The following TARBP1 variants were observed in gnomAD, a reference collection of about 807,000 sequenced individuals.
TARBP1 encodes the protein tRNA (guanosine(18)-2'-O)-methyltransferase TARBP1.
A neutral mutation model predicts 178.6 loss-of-function variants in TARBP1; 144 were observed. The observed-to-expected ratio is 0.81, with a 90% CI of 0.70 to 0.93. The LOEUF is 0.93. Ranked by LOEUF, TARBP1 falls within the 40% of genes least tolerant of loss-of-function variation. The pLI is 0.00. For missense variants in TARBP1, 2,067 were observed against 2,011.7 expected (o/e 1.03, Z -0.53); for synonymous variants, 787 against 781.0 (o/e 1.01, Z -0.13).
intron 9 of TARBP1, among the ~76,000 whole-genome samples, chr1:234,453,195 TA>T (rs1666957455): frequency 6.6e-6 from 1 of 152,132 alleles, no homozygotes; most frequent in Non-Finnish European, 1.5e-5. Context: ...TTCATAATAG[TA>T]ATCAATATGG....
intron 23 of TARBP1, among the ~76,000 whole-genome samples, chr1:234,408,571 G>A (rs370158677): frequency 6.6e-6 from 1 of 152,016 alleles, no homozygotes; most frequent in Non-Finnish European, 1.5e-5. Flanking sequence ...GTCGGTGCTC[G>A]AGATATTTTG....
intron 24 of TARBP1, chr1:234,405,220 A>C (rs1661092266): frequency 6.6e-6 from 1 of 152,224 alleles, no homozygotes; most frequent in Non-Finnish European, 1.5e-5. Flanking sequence ...ATTTAAAAAA[A>C]AAATCCAGAA....
chr1:234,467,134 G>C (rs1187157194), intron 4 of TARBP1, among the ~76,000 whole-genome samples: 2 of 152,192 alleles, frequency 1.3e-5, no homozygotes, highest in Non-Finnish European at 2.9e-5. Context: ...AATTGAGGCA[G>C]TAGCATCACT....
chr1:234,450,402 A>C, intron 10 of TARBP1, 26 bp downstream of exon 10: 1 of 1,543,436 alleles, frequency 6.5e-7, no homozygotes, highest in East Asian at 2.4e-5. Flanking sequence ...GGTTATATCA[A>C]TCCATAAAAA....
intron 21 of TARBP1, among the ~76,000 whole-genome samples, chr1:234,420,098 C>G (rs191289968): frequency 6.6e-6 from 1 of 152,170 alleles, no homozygotes. Flanking sequence ...ATTTTCTCAA[C>G]AGGAATATTA....
In TARBP1 at chr1:234,469,578, A is replaced by G. The variant is rs114886253; in HGVS notation, c.1099+1610T>C. ...ACAGCAATCAGCTGAATAAAGCTCA[A>G]TTCCTAAGGGGTCAAACTATTAAAC... On this transcript the variant is annotated intron_variant, in intron 3 of 29. Transcript: ENST00000040877. Among the ~76,000 whole-genome samples the G allele has an allele frequency of 8.8e-3, 1,346 of 152,342 alleles. 17 individuals carry two copies. The highest frequency in any genetic ancestry group is 0.031 in the African/African-American group (1,274 of 41,570).
chr1:234,456,068 C>T (rs557685785), intron 9 of TARBP1, among the ~76,000 whole-genome samples: 56 of 152,258 alleles, frequency 3.7e-4, no homozygotes, highest in African/African-American at 1.3e-3. Flanking sequence ...AAGTGGATGT[C>T]CACTGTCATA....
intron 1 of TARBP1, among the ~76,000 whole-genome samples, chr1:234,476,283 T>TA (rs778957907): frequency 1.3e-5 from 2 of 152,084 alleles, no homozygotes; most frequent in African/African-American, 2.4e-5. Context: ...AACAAGACCT[T>TA]AAAAAAATCC....
At chr1:234,478,031 C>T (rs896707435) in intron 1 of TARBP1, 142 bp downstream of exon 1, 4 of 792,680 alleles carry the variant, frequency 5.0e-6, no homozygotes, top group African/African-American at 1.8e-5. Context: ...GGTTTTCAGG[C>T]TTTAGGGGAG....
chr1:234,395,551 A>G (rs1183211628), intron 26 of TARBP1, among the ~76,000 whole-genome samples: 3 of 152,378 alleles, frequency 2.0e-5, no homozygotes, highest in Middle Eastern at 6.8e-3. Context: ...TAGGGCATAC[A>G]GAGCAGGCAC....
chr1:234,478,342 C>T lies in TARBP1; in HGVS notation c.762G>A (p.Glu254=). 2.3e-6 allele frequency: 3 copies of T among 1,281,770 alleles called. No homozygotes were observed. Among genetic ancestry groups the T allele is most frequent in the East Asian group, 6.5e-5 (2 of 30,738 alleles). 79.4% of individuals were successfully genotyped at this position (1,281,770 alleles called of 1,614,324 possible). The change falls in exon 1 of 30, where the codon GAG becomes GAA. Residue 254 remains glutamate (E), a synonymous_variant. Transcript: ENST00000040877. The part of the protein sequence containing the change: ...PGGDRARGAR[E]AGPDARRCWR... ...AGCAGCGCCGGGCGTCCGGGCCCGC[C>T]TCGCGCGCGCCGCGGGCGCGGTCGC...
At chr1:234,403,400 C>T (rs1265565927) in intron 24 of TARBP1, among the ~76,000 whole-genome samples, 1 of 152,226 alleles carries the variant, frequency 6.6e-6, no homozygotes, top group African/African-American at 2.4e-5. Context: ...CCCTAAACCA[C>T]CCAGACTGAA....
At chr1:234,439,749 C>T (rs1468545667) in intron 12 of TARBP1, among the ~76,000 whole-genome samples, 1 of 152,072 alleles carries the variant, frequency 6.6e-6, no homozygotes, top group African/African-American at 2.4e-5. Flanking sequence ...TCGCTTGAAC[C>T]CGGGAGGCAG....
chr1:234,477,235 A>G (rs1311702142), intron 1 of TARBP1, among the ~76,000 whole-genome samples: 2 of 152,240 alleles, frequency 1.3e-5, no homozygotes, highest in Non-Finnish European at 1.5e-5. Context: ...CATGTAAATA[A>G]ATGAATGTTT....
chr1:234,401,065 A>C, intron 25 of TARBP1, 116 bp downstream of exon 25: 1 of 701,492 alleles, frequency 1.4e-6, no homozygotes, highest in African/African-American at 1.8e-5. Flanking sequence ...TGTTAAGGTG[A>C]TGTTTGTAAG....
intron 19 of TARBP1, among the ~76,000 whole-genome samples, chr1:234,426,160 G>A (rs776318827): frequency 6.6e-6 from 1 of 152,188 alleles, no homozygotes; most frequent in African/African-American, 2.4e-5. Context: ...TCAGGGGCAT[G>A]ATACACATCA....
At chr1:234,474,205 C>G (rs943949324) in intron 1 of TARBP1, among the ~76,000 whole-genome samples, 8 of 151,258 alleles carry the variant, frequency 5.3e-5, no homozygotes, top group Admixed American at 2.0e-4. Flanking sequence ...AATCACGCCA[C>G]TGCACCCTAG....
intron 9 of TARBP1, among the ~76,000 whole-genome samples, chr1:234,456,774 C>CA (rs1489944279): frequency 6.6e-6 from 1 of 151,796 alleles, no homozygotes; most frequent in Non-Finnish European, 1.5e-5. Context: ...AAAACTAAAC[C>CA]AAAAAATATG....
chr1:234,419,188 AAAAAT>A lies in TARBP1; in HGVS notation c.3556-960_3556-956del, dbSNP rs201805464. ...ACTCCGTCTCAAAAAAAATAAAAAT[AAAAAT>A]AAAATAAAATAAAATAAAAGTAATA... is the stretch of plus-strand genomic sequence containing the variant. On this transcript the variant is annotated intron_variant, in intron 21 of 29. Coordinates refer to ENST00000040877, the MANE Select transcript of TARBP1 (RefSeq NM_005646.4). 6.3e-3 allele frequency among the ~76,000 whole-genome samples: 957 copies of A among 152,164 alleles called. 9 individuals are homozygous for A. Among genetic ancestry groups the A allele is most frequent in the African/African-American group, 0.02 (823 of 41,544 alleles).
Sources: gnomAD v4.1 joint callset for allele counts (sites outside exome capture counted in the v4.1 genomes callset) on GRCh38, gnomAD v4.1.1 for gene constraint, MANE v1.5 for transcripts, NCBI Gene and HGNC (gene_info 2026-07-23, HGNC 2026-07-21) for gene names.